Variants in RIN2 observed in about 807,000 individuals in gnomAD.
RIN2 encodes the protein RAB5 interacting protein 2.
A neutral mutation model predicts 78.0 loss-of-function variants in RIN2; 36 were observed. The ratio of observed to expected loss-of-function variants is 0.46; its 90% CI spans 0.35 to 0.61. RIN2 has a LOEUF of 0.61. Among genes scored for constraint, RIN2 ranks in the 20% least tolerant of loss-of-function variants. The pLI is 0.00. For synonymous variants in RIN2, 466 were observed against 466.8 expected (o/e 1.00, Z 0.02); for missense variants, 1,087 against 1,159.7 (o/e 0.94, Z 0.91).
At chr20:19,788,442 A>ACAAAAACAAAAAC (rs1568752719) in intron 1 of RIN2, among the ~76,000 whole-genome samples, 2 of 146,620 alleles carry the variant, frequency 1.4e-5, no homozygotes, top group Non-Finnish European at 3.0e-5. Context: ...CAAAAAAAAA[A>ACAAAAACAAAAAC]AAAAAAACAA....
chr20:19,925,030 C>T (rs544591730), intron 3 of RIN2, among the ~76,000 whole-genome samples: 4 of 151,270 alleles, frequency 2.6e-5, no homozygotes, highest in East Asian at 2.0e-4. Flanking sequence ...TGAGCCACTG[C>T]GCCCGGCCTC....
intron 1 of RIN2, among the ~76,000 whole-genome samples, chr20:19,794,505 C>T (rs6046327): frequency 3.7e-5 from 5 of 134,658 alleles, no homozygotes; most frequent in African/African-American, 1.4e-4. Flanking sequence ...GCACTCCAGC[C>T]TAAGCAACAG....
chr20:19,996,485 G>GTCACACA (rs2042970950), intron 11 of RIN2, among the ~76,000 whole-genome samples, 194 bp from the exon 12 acceptor site: 5 of 152,172 alleles, frequency 3.3e-5, no homozygotes, highest in African/African-American at 4.8e-5. Context: ...AATCTCTGTG[G>GTCACACA]GATGGCTGTG....
At chr20:19,985,574 G>T (rs1033246870) in intron 9 of RIN2, among the ~76,000 whole-genome samples, 1 of 152,166 alleles carries the variant, frequency 6.6e-6, no homozygotes, top group East Asian at 1.9e-4. Flanking sequence ...TAGAAAAATA[G>T]AAAAGAAATG....
intron 4 of RIN2, among the ~76,000 whole-genome samples, chr20:19,942,013 G>A (rs1241314662): frequency 6.6e-6 from 1 of 151,466 alleles, no homozygotes; most frequent in Non-Finnish European, 1.5e-5. Context: ...CTCAGGATGA[G>A]GCAAGAGAAT....
chr20:19,844,671 T>TCTTCTTCCTCTTCC (rs1568807672), intron 2 of RIN2, among the ~76,000 whole-genome samples: 1 of 57,938 alleles, frequency 1.7e-5, no homozygotes, highest in African/African-American at 7.6e-5. Flanking sequence ...TTCTTCTTCC[T>TCTTCTTCCTCTTCC]TCTTCTTCTT....
chr20:19,857,410 T>A (rs7268810), intron 2 of RIN2, among the ~76,000 whole-genome samples: 41,581 of 152,064 alleles, frequency 0.27, 7,025 homozygotes, highest in African/African-American at 0.49. Context: ...GTTTCTAGTC[T>A]GGACTATAAT....
intron 3 of RIN2, among the ~76,000 whole-genome samples, chr20:19,903,010 A>T (rs1022567996): frequency 5.3e-5 from 8 of 152,146 alleles, no homozygotes; most frequent in African/African-American, 1.2e-4. Flanking sequence ...GGAGAATGGC[A>T]TGAACTCAGG....
At chr20:19,952,000 C>A (rs1387105317) in intron 4 of RIN2, among the ~76,000 whole-genome samples, 4 of 152,180 alleles carry the variant, frequency 2.6e-5, no homozygotes, top group Non-Finnish European at 4.4e-5. Context: ...GGAAGGAGAG[C>A]CTGATTTGGG....
chr20:19,855,441 G>A (rs2037133094), intron 2 of RIN2, among the ~76,000 whole-genome samples: 1 of 152,136 alleles, frequency 6.6e-6, no homozygotes. Context: ...GATTGGAATA[G>A]TTTCAGAAGG....
chr20:19,834,760 T>A (rs1161285577), intron 2 of RIN2, among the ~76,000 whole-genome samples: 1 of 152,172 alleles, frequency 6.6e-6, no homozygotes, highest in Non-Finnish European at 1.5e-5. Context: ...GTCTTTTAAG[T>A]TGTATAATAA....
Position 20,001,071 on chromosome 20 carries a change from G to T in RIN2, c.*135G>T, listed in dbSNP as rs979910731. ...AGTGTAGTGACTAAGCCATCCACAG[G>T]CCAACTCGGCCAAGGGCAACTTTAG... On this transcript the variant is annotated 3_prime_UTR_variant, in exon 13 of 13. Transcript: ENST00000255006. 20 of 772,654 alleles carry T rather than the reference G, an allele frequency of 2.6e-5. No individual in the cohort carries two copies. In the African/African-American group the frequency reaches 3.1e-4, roughly 12 times the overall value. The allele number at this position is 772,654 out of a possible 1,614,324, so 47.9% of individuals were successfully genotyped here. A position where few individuals can be genotyped will look rare whatever the true frequency, so the allele number is the denominator to read the frequency against.
At chr20:19,868,016 G>A (rs138666307) in intron 2 of RIN2, among the ~76,000 whole-genome samples, 33 of 152,340 alleles carry the variant, frequency 2.2e-4, no homozygotes, top group Middle Eastern at 3.4e-3. Flanking sequence ...CATGTCTGGC[G>A]TGGGGCATGC....
chr20:19,987,131 A>G (rs1214419749), intron 9 of RIN2, among the ~76,000 whole-genome samples: 2 of 152,242 alleles, frequency 1.3e-5, no homozygotes, highest in African/African-American at 4.8e-5. Flanking sequence ...GAGCTTTTTC[A>G]TTGAATAAAT....
chr20:19,904,108 T>C (rs1372594752), intron 3 of RIN2, among the ~76,000 whole-genome samples: 1 of 151,920 alleles, frequency 6.6e-6, no homozygotes, highest in Admixed American at 6.6e-5. Flanking sequence ...GGCGCACGTC[T>C]GTAATCCCAG....
At chr20:19,980,101 G>A (rs2042401395) in intron 9 of RIN2, among the ~76,000 whole-genome samples, 2 of 148,288 alleles carry the variant, frequency 1.3e-5, no homozygotes, top group Middle Eastern at 3.6e-3. Flanking sequence ...AGGCATGTTA[G>A]TGCCAAACAG....
intron 4 of RIN2, among the ~76,000 whole-genome samples, chr20:19,936,089 A>C (rs1052574263): frequency 6.6e-6 from 1 of 152,224 alleles, no homozygotes; most frequent in Non-Finnish European, 1.5e-5. Flanking sequence ...TAGTTCCGCC[A>C]TACGCTGACG....
At chr20:19,936,134 T>C (rs16981337) in intron 4 of RIN2, among the ~76,000 whole-genome samples, 5,863 of 152,280 alleles carry the variant, frequency 0.039, 167 homozygotes, top group Non-Finnish European at 0.058. Context: ...CACTTGCAGC[T>C]GGAAGGTGGT....
chr20:19,855,463 C>G (rs1465099545), intron 2 of RIN2, among the ~76,000 whole-genome samples: 2 of 152,174 alleles, frequency 1.3e-5, no homozygotes, highest in Non-Finnish European at 2.9e-5. Flanking sequence ...ATGGTGCCAG[C>G]TCCTCCTCAT....
Sources: allele counts gnomAD v4.1 joint callset (sites outside exome capture counted in the v4.1 genomes callset), GRCh38; gene constraint gnomAD v4.1.1; transcripts MANE v1.5; gene names NCBI Gene and HGNC (gene_info 2026-07-23, HGNC 2026-07-21).